The following SYTL3 variants were observed in gnomAD, a reference collection of about 807,000 sequenced individuals.
The protein encoded by SYTL3 is synaptotagmin-like protein 3.
SYTL3 carries 88 observed loss-of-function variants against 82.1 expected under a neutral mutation model. The ratio of observed to expected loss-of-function variants is 1.07; its 90% confidence interval spans 0.90 to 1.28. The LOEUF is 1.28. Ranked by LOEUF, SYTL3 falls within the 50% of genes most tolerant of loss-of-function variation. The pLI, the probability that SYTL3 is intolerant of heterozygous loss-of-function variation, is 0.00. For missense variants in SYTL3, 831 were observed against 757.6 expected (o/e 1.10, Z -1.14); for synonymous variants, 311 against 289.4 (o/e 1.07, Z -0.76).
chr6:158,692,204 G>A (rs1779960471), intron 6 of SYTL3, among the ~76,000 whole-genome samples: 1 of 122,332 alleles, frequency 8.2e-6, no homozygotes, highest in Admixed American at 1.1e-4. Flanking sequence ...CTTGCAGTGA[G>A]CCCAGATTGT....
rs76622721 is a variant in SYTL3, at chr6:158,723,589, C to T, written c.721-1914C>T. Among the ~76,000 whole-genome samples, 715 of 152,266 alleles carry T rather than the reference C, an allele frequency of 4.7e-3. 7 individuals are homozygous for T. Among genetic ancestry groups the T allele is most frequent in the Middle Eastern group, 0.017 (5 of 294 alleles). On this transcript the variant is annotated intron_variant, in intron 10 of 17. Transcript: ENST00000611299. ...TGTGCCGTTTTAAGTGTATAGTTCG[C>T]GGCATTGAAAACATTGCTAATGTTG...
chr6:158,756,718 AATTTTTTTTTTTTTTT>A (rs1789140313), intron 13 of SYTL3, among the ~76,000 whole-genome samples: 1 of 47,340 alleles, frequency 2.1e-5, no homozygotes, highest in African/African-American at 7.2e-5. Context: ...CTCAAAAAAA[AATTTTTTTTTTTTTTT>A]TTTTTTTTTT....
chr6:158,751,741 A>T (rs1788409300), intron 12 of SYTL3, among the ~76,000 whole-genome samples, 187 bp from the exon 13 acceptor site: 1 of 152,214 alleles, frequency 6.6e-6, no homozygotes, highest in Non-Finnish European at 1.5e-5. Flanking sequence ...TGCATGGATC[A>T]GAAGCTGCCC....
At position 158,693,860 on chromosome 6, in the gene SYTL3, T is replaced by TTTTC. The variant is rs1562384407; in HGVS notation, c.394+10874_394+10875insCTTT. Among the ~76,000 whole-genome samples, 14 of 42,216 alleles carry TTTTC rather than the reference T, an allele frequency of 3.3e-4. 1 individual carries two copies. The highest frequency in any genetic ancestry group is 7.6e-3 in the Middle Eastern group (1 of 132). 27.7% of individuals were successfully genotyped at this position (42,216 alleles called of 152,430 possible). The stretch of plus-strand genomic sequence containing the variant: ...CCAGCCTTTCTTTTTCTTTTCTTTT[T>TTTTC]TTTTTTTTTTTTTGTAGATACAGGG... On this transcript the variant is annotated intron_variant, in intron 6 of 17. Transcript: ENST00000611299.
At chr6:158,676,179 A>G (rs1185058327) in intron 5 of SYTL3, among the ~76,000 whole-genome samples, 1 of 152,226 alleles carries the variant, frequency 6.6e-6, no homozygotes. Flanking sequence ...AGTAACCAAA[A>G]CAACATGGTA....
At chr6:158,743,563 T>C (rs1385638474) in intron 11 of SYTL3, among the ~76,000 whole-genome samples, 3 of 145,108 alleles carry the variant, frequency 2.1e-5, no homozygotes, top group Non-Finnish European at 4.6e-5. Flanking sequence ...TCACTTCTCA[T>C]ACCTCACTCA....
At chr6:158,710,329 C>T (rs201267039) in intron 8 of SYTL3, among the ~76,000 whole-genome samples, 1 of 152,110 alleles carries the variant, frequency 6.6e-6, no homozygotes, top group Non-Finnish European at 1.5e-5. Flanking sequence ...TGAGATGGAT[C>T]AAAAACCGCC....
rs192373892 is a variant in SYTL3 at position 158,683,849 on chromosome 6, C to T, written c.394+860C>T. ...CAGAGGTTGATGCTTGTGGAGTGAG[C>T]GCATGTTGCGGTAATATGGGTGGAA... On this transcript the variant is annotated intron_variant, in intron 6 of 17. Coordinates refer to ENST00000611299, the MANE Select transcript of SYTL3 (RefSeq NM_001242394.2). Among the ~76,000 whole-genome samples the T allele has an allele frequency of 7.9e-5, 12 of 152,210 alleles. No homozygotes were observed. In the East Asian group the frequency reaches 1.4e-3, roughly 17 times the overall value.
At chr6:158,764,381 T>G in intron 17 of SYTL3, 114 bp from the exon 18 acceptor site, 1 of 739,498 alleles carries the variant, frequency 1.4e-6, no homozygotes, top group Non-Finnish European at 2.3e-6. Context: ...TGGTTGGCCT[T>G]TTAATGTGGA....
chr6:158,741,922 T>C (rs751487825), intron 11 of SYTL3, among the ~76,000 whole-genome samples: 3 of 152,236 alleles, frequency 2.0e-5, no homozygotes, highest in Non-Finnish European at 4.4e-5. Context: ...TTGCTCTCAA[T>C]TGGTTGTTGT....
At chr6:158,719,207 C>G (rs1783780429) in intron 10 of SYTL3, among the ~76,000 whole-genome samples, 1 of 152,214 alleles carries the variant, frequency 6.6e-6, no homozygotes, top group Admixed American at 6.5e-5. Context: ...GGACTCTGTA[C>G]TAATAGCTTA....
chr6:158,750,037 T>C (rs1788197959), intron 12 of SYTL3, among the ~76,000 whole-genome samples: 1 of 152,160 alleles, frequency 6.6e-6, no homozygotes, highest in South Asian at 2.1e-4. Flanking sequence ...ATGACTTGTG[T>C]ATTCATTCAG....
chr6:158,709,049 A>G (rs534379474), intron 8 of SYTL3, among the ~76,000 whole-genome samples: 1 of 152,318 alleles, frequency 6.6e-6, no homozygotes. Flanking sequence ...CCTGGCCAAC[A>G]TGGTGAAACC....
At chr6:158,651,657 A>T (rs1317093284) in intron 1 of SYTL3, 96 bp from the exon 2 acceptor site, 1 of 151,940 alleles carries the variant, frequency 6.6e-6, no homozygotes, top group Non-Finnish European at 1.5e-5. Flanking sequence ...AAAGAGGTCA[A>T]GTTTAAAGTA....
Position 158,745,519 on chromosome 6 carries a change from G to C in SYTL3, c.895G>C (p.Gly299Arg). Residue 299 changes from glycine (G) to arginine (R), a missense_variant, in exon 12 of 18, where the codon GGC becomes CGC. Gly to Arg is a moderately radical substitution (Grantham distance 125). Coordinates refer to ENST00000611299, the MANE Select transcript of SYTL3 (RefSeq NM_001242394.2). ...ISIDSTCTEM[G>R]NFDNANVTGE... ...CATTGACAGCACCTGTACAGAGATGGGCAATTTTGACAATGCTAATGTCAC... is the reference window on the plus strand; with the variant it reads ...CATTGACAGCACCTGTACAGAGATGCGCAATTTTGACAATGCTAATGTCAC... 1 of 1,613,206 alleles carries C rather than the reference G, an allele frequency of 6.2e-7. No homozygotes were observed.
rs372111805 is a variant in SYTL3 at position 158,760,699 on chromosome 6, G to A, written c.1368G>A (p.Lys456=). 6.2e-7 allele frequency: 1 copy of A among 1,614,166 alleles called. No individual in the cohort carries two copies. The highest frequency in any genetic ancestry group is 8.5e-7 in the Non-Finnish European group (1 of 1,180,002). Residue 456 remains lysine (K), a synonymous_variant, in exon 15 of 18, where the codon AAG becomes AAA. Transcript: ENST00000611299. ...ATGGAGAGCTCACAGTCCGGGCTAA[G>A]CTGGTTCTCCCTTCACGGCCCAGAA... ...QSNGELTVRA[K]LVLPSRPRKL...
intron 10 of SYTL3, among the ~76,000 whole-genome samples, chr6:158,725,033 G>GA (rs1232656137): frequency 6.6e-6 from 1 of 151,996 alleles, no homozygotes; most frequent in South Asian, 2.1e-4. Flanking sequence ...AAAAAAGAAA[G>GA]AAAAAATAAA....
chr6:158,648,590 CAAAAA>C (rs869171730), upstream of SYTL3, among the ~76,000 whole-genome samples: 42 of 131,420 alleles, frequency 3.2e-4, 1 homozygote, highest in East Asian at 4.8e-3. Context: ...GACTCGGTCT[CAAAAA>C]AAAAAAAAAA....
chr6:158,685,187 T>C (rs1449177871), intron 6 of SYTL3, among the ~76,000 whole-genome samples: 1 of 151,304 alleles, frequency 6.6e-6, no homozygotes, highest in Non-Finnish European at 1.5e-5. Context: ...TTCTCTGTTT[T>C]TATTGCTTTT....
Sources: gnomAD v4.1 joint callset for allele counts (sites outside exome capture counted in the v4.1 genomes callset) on GRCh38, gnomAD v4.1.1 for gene constraint, MANE v1.5 for transcripts, NCBI Gene and HGNC (gene_info 2026-07-23, HGNC 2026-07-21) for gene names.